The following UBN2 variants were observed in gnomAD, a reference collection of about 807,000 sequenced individuals.
UBN2 encodes ubinuclein 2, also known as ubinuclein-2.
UBN2 carries 35 observed loss-of-function variants against 120.2 expected under a neutral mutation model. That is an observed-to-expected ratio of 0.29 (90% CI 0.22 to 0.39). The LOEUF (loss-of-function observed/expected upper bound fraction) is 0.39, where lower values mean the gene tolerates loss of function less well. Ranked by LOEUF, UBN2 falls within the 10% of genes least tolerant of loss-of-function variation. The pLI is 1.00. For synonymous variants in UBN2, 661 were observed against 648.7 expected (o/e 1.02, Z -0.29); for missense variants, 1,693 against 1,663.2 (o/e 1.02, Z -0.31).
At chr7:139,242,258 A>G (rs1429974219) in intron 2 of UBN2, among the ~76,000 whole-genome samples, 1 of 152,202 alleles carries the variant, frequency 6.6e-6, no homozygotes, top group Non-Finnish European at 1.5e-5. Flanking sequence ...TGTTTCTGGG[A>G]GTTGTAAGAA....
chr7:139,309,545 AT>A (rs926921422), downstream of UBN2, among the ~76,000 whole-genome samples: 3 of 152,008 alleles, frequency 2.0e-5, no homozygotes, highest in African/African-American at 4.8e-5. Flanking sequence ...TCATTGTTAA[AT>A]TTTTTTTTAA....
intron 15 of UBN2, among the ~76,000 whole-genome samples, chr7:139,287,240 G>A (rs758352648): frequency 6.6e-5 from 10 of 152,124 alleles, no homozygotes; most frequent in African/African-American, 1.9e-4. Flanking sequence ...TCCCTGCCCC[G>A]TATCCTCCTC....
At chr7:139,248,110 T>G (rs1796521146) in intron 2 of UBN2, among the ~76,000 whole-genome samples, 1 of 152,216 alleles carries the variant, frequency 6.6e-6, no homozygotes, top group Admixed American at 6.5e-5. Context: ...ATACTTAAAT[T>G]CTGATATCTT....
chr7:139,284,122 A>G lies in UBN2; in HGVS notation c.3217A>G (p.Thr1073Ala). ...TCTGTCAGCTAAGCCTTCAGTATCA[A>G]CTAAACTTATTTCTAAATCCAACCC... ...PSLSAKPSVS[T>A]KLISKSNPTP... is the part of the protein sequence containing the mutation. Residue 1073 changes from threonine (T) to alanine (A), a missense_variant, in exon 15 of 18, where the codon ACT (threonine) becomes GCT (alanine). Around this residue, in one of 5 missense-constraint regions of UBN2, gnomAD observed 837 missense variants for 817.6 expected, o/e 1.02. Transcript: ENST00000473989. 2 of 1,614,156 alleles carry G rather than the reference A, an allele frequency of 1.2e-6. No individual in the cohort carries two copies. Among genetic ancestry groups the G allele is most frequent in the South Asian group, 2.2e-5 (2 of 91,082 alleles).
chr7:139,279,487 T>C, intron 13 of UBN2, 127 bp downstream of exon 13: 1 of 658,184 alleles, frequency 1.5e-6, no homozygotes, highest in Admixed American at 3.3e-5. Context: ...GTTTTCAACT[T>C]CATAATAATC....
At chr7:139,246,103 A>G (rs1416025488) in intron 2 of UBN2, among the ~76,000 whole-genome samples, 1 of 152,148 alleles carries the variant, frequency 6.6e-6, no homozygotes, top group Admixed American at 6.6e-5. Context: ...GGTGGCTCAC[A>G]TCTGTAATCC....
At chr7:139,269,209 CTAAAT>C (rs1212608392) in intron 7 of UBN2, among the ~76,000 whole-genome samples, 180 bp from the exon 8 acceptor site, 1 of 151,974 alleles carries the variant, frequency 6.6e-6, no homozygotes, top group Admixed American at 6.6e-5. Flanking sequence ...AACTCTGTCT[CTAAAT>C]AAATAAATAA....
intron 3 of UBN2, among the ~76,000 whole-genome samples, chr7:139,254,142 A>C (rs1487667756): frequency 1.3e-5 from 2 of 152,034 alleles, no homozygotes; most frequent in African/African-American, 4.8e-5. Context: ...AAATACAAAA[A>C]ATTAGCCGGG....
chr7:139,315,210 C>G, the UBN2 span: 5 of 150,714 alleles, frequency 3.3e-5, no homozygotes, highest in Non-Finnish European at 7.4e-5. Flanking sequence ...CTCCTGACCT[C>G]GTGATCCACC....
chr7:139,280,382 G>A (rs1797571498), intron 13 of UBN2, among the ~76,000 whole-genome samples: 1 of 152,096 alleles, frequency 6.6e-6, no homozygotes, highest in Non-Finnish European at 1.5e-5. Flanking sequence ...AGATTTGAAA[G>A]AGAATCAAAA....
At chr7:139,250,318 C>T (rs541069630) in intron 2 of UBN2, among the ~76,000 whole-genome samples, 6 of 151,962 alleles carry the variant, frequency 3.9e-5, no homozygotes, top group African/African-American at 1.2e-4. Flanking sequence ...CTGCAACGTC[C>T]GCCTCCCCAG....
At chr7:139,268,107 A>T (rs960893247) in intron 7 of UBN2, among the ~76,000 whole-genome samples, 4 of 152,238 alleles carry the variant, frequency 2.6e-5, no homozygotes, top group Non-Finnish European at 5.9e-5. Flanking sequence ...GGGGAGAGTC[A>T]AAAGACCATC....
In UBN2 at chr7:139,283,759, A is replaced by C; in HGVS notation, c.2854A>C (p.Thr952Pro). 1 of 1,613,836 alleles carries C rather than the reference A, an allele frequency of 6.2e-7. No homozygotes were observed. The highest frequency in any genetic ancestry group is 8.5e-7 in the Non-Finnish European group (1 of 1,180,024). ...ACAGGCCACCATCAGTAAATCCCAG[A>C]CCAACCCCGTCGTGAAGTTAAGTAA... Reference protein sequence around the residue: ...PLQATISKSQTNPVVKLSNNP... With the variant: ...PLQATISKSQPNPVVKLSNNP... The change falls in exon 15 of 18, where the codon ACC (threonine) becomes CCC (proline). Residue 952 changes from threonine to proline, a missense_variant. Thr to Pro is a conservative substitution (Grantham distance 38). Transcript: ENST00000473989.
intron 15 of UBN2, among the ~76,000 whole-genome samples, chr7:139,291,382 A>C (rs1585029790): frequency 6.7e-6 from 1 of 150,248 alleles, no homozygotes; most frequent in Admixed American, 6.6e-5. Context: ...AAAAAAAAAA[A>C]CATGGAAAAC....
At chr7:139,292,260 A>G (rs1772793720) in intron 15 of UBN2, among the ~76,000 whole-genome samples, 1 of 151,994 alleles carries the variant, frequency 6.6e-6, no homozygotes, top group African/African-American at 2.4e-5. Flanking sequence ...CTCAAAAAAA[A>G]GGGGGCGGAG....
intron 14 of UBN2, 77 bp downstream of exon 14, chr7:139,282,132 G>T: frequency 1.5e-6 from 2 of 1,345,626 alleles, no homozygotes; most frequent in South Asian, 2.5e-5. Context: ...GAAACTAATT[G>T]AAGAGACTTT....
rs1357389725 is a variant in UBN2 at position 139,298,918 on chromosome 7, G to T, written c.*1082G>T. 6.6e-6 allele frequency: 1 copy of T among 152,066 alleles called. No individual in the cohort carries two copies. The highest frequency in any genetic ancestry group is 1.5e-5 in the Non-Finnish European group (1 of 67,980). 9.4% of individuals were successfully genotyped at this position (152,066 alleles called of 1,614,324 possible). A position where few individuals can be genotyped will look rare whatever the true frequency, so the allele number is the denominator to read the frequency against. On this transcript the variant is annotated 3_prime_UTR_variant, in exon 18 of 18. Coordinates refer to ENST00000473989, the MANE Select transcript of UBN2 (RefSeq NM_173569.4). The stretch of plus-strand genomic sequence containing the variant: ...TTCAAATGGCATGAATATAGTTTTT[G>T]AATTTTTAAGATGGTATTTTAAAGG...
rs557348882 is a variant in UBN2, at chr7:139,272,426, A to C, written c.1701A>C (p.Gln567His). 179 of 1,612,574 alleles carry C rather than the reference A, an allele frequency of 1.1e-4. No individual in the cohort carries two copies. The highest frequency in any genetic ancestry group is 1.4e-4 in the Non-Finnish European group (165 of 1,179,592). Residue 567 changes from glutamine to histidine, a missense_variant, in exon 9 of 18, where the codon CAA becomes CAC. Coordinates refer to ENST00000473989, the MANE Select transcript of UBN2 (RefSeq NM_173569.4). ...KYQEDCQARS[Q>H]AKCAKLQTDE... ...AGGAGGACTGCCAGGCTCGTAGTCA[A>C]GCTAAGTGTGCCAAGTATGTATCTC...
At chr7:139,243,327 T>G (rs1422178463) in intron 2 of UBN2, among the ~76,000 whole-genome samples, 1 of 152,200 alleles carries the variant, frequency 6.6e-6, no homozygotes, top group Non-Finnish European at 1.5e-5. Flanking sequence ...AAAATAAGTT[T>G]TGATTTTTAT....
Sources: allele counts gnomAD v4.1 joint callset (sites outside exome capture counted in the v4.1 genomes callset), GRCh38; gene constraint gnomAD v4.1.1; regional missense constraint gnomAD v4.1.1; transcripts MANE v1.5; gene names NCBI Gene and HGNC (gene_info 2026-07-23, HGNC 2026-07-21).